LRP1B: variants seen among roughly 807,000 people sequenced by gnomAD.
LRP1B encodes the protein low-density lipoprotein receptor-related protein 1B.
A neutral mutation model predicts 556.6 loss-of-function variants in LRP1B; 217 were observed. The observed-to-expected ratio is 0.39, with a 90% CI of 0.35 to 0.44. The LOEUF (loss-of-function observed/expected upper bound fraction) is 0.44. Ranked by LOEUF, LRP1B falls within the 20% of genes least tolerant of loss-of-function variation. The pLI is 1.00. For synonymous variants in LRP1B, 2,047 were observed against 1,865.8 expected (o/e 1.10, Z -2.50); for missense variants, 5,053 against 5,620.8 (o/e 0.90, Z 3.23).
In LRP1B at chr2:141,627,370, C is replaced by T. The variant is rs186911180; in HGVS notation, c.206-146837G>A. Among the ~76,000 whole-genome samples the T allele has an allele frequency of 1.0e-3, 156 of 152,296 alleles. 1 individual carries two copies. The highest frequency in any genetic ancestry group is 1.6e-4 in the Non-Finnish European group (11 of 68,022). On this transcript the variant is annotated intron_variant, in intron 2 of 90. Transcript: ENST00000389484. ...ATAATATCACAGTGGAAGATAATAT[C>T]ATTTTACATCTGTCAACACCTATAC...
rs568462577 is a variant in LRP1B, at chr2:142,071,190, A to G, written c.82+59458T>C. On this transcript the variant is annotated intron_variant, in intron 1 of 90. Coordinates refer to ENST00000389484, the MANE Select transcript of LRP1B (RefSeq NM_018557.3). ...CGTAAATGAAATATACTTTCTAAAA[A>G]CATCCTAAACCTCAATCATTGTTGC... 2.0e-5 allele frequency among the ~76,000 whole-genome samples: 3 copies of G among 152,044 alleles called. No individual in the cohort carries two copies. The South Asian group carries it at 6.2e-4, about 32-fold the overall frequency.
At chr2:141,022,346 A>G (rs1698089115) in intron 11 of LRP1B, among the ~76,000 whole-genome samples, 1 of 151,794 alleles carries the variant, frequency 6.6e-6, no homozygotes, top group Admixed American at 6.6e-5. Flanking sequence ...AAATAAGAAA[A>G]TGTATAAAAA....
At chr2:141,276,031 C>T (rs1685271894) in intron 3 of LRP1B, among the ~76,000 whole-genome samples, 1 of 152,296 alleles carries the variant, frequency 6.6e-6, no homozygotes, top group African/African-American at 2.4e-5. Flanking sequence ...AACATGTTTA[C>T]ACTTTTGGGT....
At chr2:140,641,829 A>G (rs1245266241) in intron 41 of LRP1B, among the ~76,000 whole-genome samples, 1 of 152,248 alleles carries the variant, frequency 6.6e-6, no homozygotes, top group East Asian at 1.9e-4. Flanking sequence ...TTTTAAAAAT[A>G]GGCTCTGGAA....
intron 10 of LRP1B, among the ~76,000 whole-genome samples, chr2:141,050,783 G>A (rs1486807778): frequency 6.6e-6 from 1 of 151,998 alleles, no homozygotes; most frequent in African/African-American, 2.4e-5. Flanking sequence ...TTGGCAAATG[G>A]GATCTAATTA....
intron 43 of LRP1B, among the ~76,000 whole-genome samples, chr2:140,580,657 T>C (rs1195433781): frequency 1.3e-5 from 2 of 152,128 alleles, no homozygotes; most frequent in African/African-American, 4.8e-5. Flanking sequence ...ATGAAGTCTG[T>C]CATTATGTAT....
At chr2:141,470,916 T>C (rs1299096890) in intron 3 of LRP1B, among the ~76,000 whole-genome samples, 1 of 152,230 alleles carries the variant, frequency 6.6e-6, no homozygotes, top group African/African-American at 2.4e-5. Flanking sequence ...GGTGAAATTA[T>C]GGTTGCTTAA....
intron 1 of LRP1B, among the ~76,000 whole-genome samples, chr2:142,033,779 C>T (rs1021694412): frequency 2.6e-5 from 4 of 151,696 alleles, no homozygotes; most frequent in South Asian, 2.1e-4. Context: ...AGATATGGTA[C>T]TGAATTAAGG....
At chr2:140,260,309 C>G (rs888958184) in intron 86 of LRP1B, among the ~76,000 whole-genome samples, 5 of 151,688 alleles carry the variant, frequency 3.3e-5, no homozygotes, top group African/African-American at 1.2e-4. Flanking sequence ...TCTGACATTT[C>G]AAATAATTTT....
intron 59 of LRP1B, among the ~76,000 whole-genome samples, chr2:140,483,192 T>A (rs1036884162): frequency 1.3e-5 from 2 of 152,190 alleles, no homozygotes; most frequent in Admixed American, 1.3e-4. Flanking sequence ...ATCTATATCA[T>A]AATCCAAATA....
At chr2:140,851,996 A>G (rs1692474469) in intron 27 of LRP1B, among the ~76,000 whole-genome samples, 1 of 152,216 alleles carries the variant, frequency 6.6e-6, no homozygotes. Context: ...AGAAAACTCC[A>G]TCAATTCTCT....
chr2:141,062,857 C>A (rs1454712876), intron 7 of LRP1B, among the ~76,000 whole-genome samples: 1 of 151,910 alleles, frequency 6.6e-6, no homozygotes, highest in Non-Finnish European at 1.5e-5. Context: ...CCCAAATATT[C>A]CCAAATCACA....
intron 2 of LRP1B, among the ~76,000 whole-genome samples, chr2:141,610,324 A>ATTATTATACTTTAAAACTTAAAGTT (rs71902229): frequency 8.0e-5 from 4 of 50,074 alleles, no homozygotes; most frequent in African/African-American, 3.2e-4. Context: ...TTAAAGTATA[A>ATTATTATACTTTAAAACTTAAAGTT]TAATAATAAT....
chr2:141,835,503 G>A (rs756898820), intron 1 of LRP1B, among the ~76,000 whole-genome samples: 23 of 151,458 alleles, frequency 1.5e-4, no homozygotes, highest in Non-Finnish European at 2.8e-4. Flanking sequence ...GTGGGGGGAG[G>A]GGAGGGAAGG....
chr2:140,574,820 T>G (rs1451298639), intron 43 of LRP1B, among the ~76,000 whole-genome samples: 2 of 152,158 alleles, frequency 1.3e-5, no homozygotes, highest in African/African-American at 4.8e-5. Flanking sequence ...AAACCAATAT[T>G]AAATCATACT....
chr2:140,814,398 C>CA (rs1372227563), intron 31 of LRP1B, among the ~76,000 whole-genome samples: 1 of 152,038 alleles, frequency 6.6e-6, no homozygotes, highest in Non-Finnish European at 1.5e-5. Context: ...TTTACAGATA[C>CA]AAAAAATAGT....
intron 86 of LRP1B, among the ~76,000 whole-genome samples, chr2:140,265,161 G>C (rs1275366893): frequency 2.6e-5 from 4 of 152,012 alleles, no homozygotes; most frequent in Non-Finnish European, 4.4e-5. Flanking sequence ...AATCTTAGCA[G>C]GTAGGAAGGC....
intron 2 of LRP1B, among the ~76,000 whole-genome samples, chr2:141,709,120 G>A (rs531621306): frequency 9.2e-5 from 14 of 152,024 alleles, no homozygotes; most frequent in African/African-American, 2.7e-4. Context: ...GGAGGCCGAC[G>A]CAGGCAGATC....
At chr2:141,339,509 A>C (rs1687978193) in intron 3 of LRP1B, among the ~76,000 whole-genome samples, 1 of 152,082 alleles carries the variant, frequency 6.6e-6, no homozygotes. Context: ...TCATTACCTC[A>C]GTTTTCTCAT....
Sources: allele counts gnomAD v4.1 joint callset (sites outside exome capture counted in the v4.1 genomes callset), GRCh38; gene constraint gnomAD v4.1.1; transcripts MANE v1.5; gene names NCBI Gene and HGNC (gene_info 2026-07-23, HGNC 2026-07-21).